Variants in PLEKHG1 observed in about 807,000 individuals in gnomAD.
The protein encoded by PLEKHG1 is pleckstrin homology domain-containing family G member 1.
In PLEKHG1, 44 loss-of-function variants were observed where a neutral mutation model predicts 100.8. The ratio of observed to expected loss-of-function variants is 0.44; its 90% CI spans 0.34 to 0.56. The LOEUF (loss-of-function observed/expected upper bound fraction) is 0.56. Ranked by LOEUF, PLEKHG1 falls within the 20% of genes least tolerant of loss-of-function variation. The pLI, the probability that PLEKHG1 is intolerant of heterozygous loss-of-function variation, is 0.01. For missense variants in PLEKHG1, 1,545 were observed against 1,720.9 expected (o/e 0.90, Z 1.81); for synonymous variants, 640 against 662.5 (o/e 0.97, Z 0.52).
Position 150,823,785 on chromosome 6 carries a change from T to G in PLEKHG1, c.1470+109T>G, listed in dbSNP as rs1242780637. On this transcript the variant is annotated intron_variant, in intron 14 of 15. Coordinates refer to ENST00000358517, the Ensembl canonical transcript of PLEKHG1. ...AGCCCGTATTCCAAGTGTCAACAGT[T>G]ATTTTACATTTTGGAAATATGGTAT... 4.0e-6 allele frequency: 3 copies of G among 754,438 alleles called. No individual in the cohort carries two copies. The East Asian group carries it at 7.6e-5, about 19-fold the overall frequency. 46.7% of individuals were successfully genotyped at this position (754,438 alleles called of 1,614,324 possible). A position where few individuals can be genotyped will look rare whatever the true frequency, so the allele number is the denominator to read the frequency against.
At chr6:150,673,443 C>G (rs1779640785) in intron 3 of PLEKHG1, among the ~76,000 whole-genome samples, 2 of 152,146 alleles carry the variant, frequency 1.3e-5, no homozygotes, top group Non-Finnish European at 2.9e-5. Context: ...TTTGGCCTGT[C>G]TATAGGCAAT....
intron 3 of PLEKHG1, among the ~76,000 whole-genome samples, chr6:150,675,768 T>A (rs1582926426): frequency 1.3e-5 from 2 of 152,202 alleles, no homozygotes; most frequent in South Asian, 4.1e-4. Flanking sequence ...ATTACAGGCA[T>A]GAGCCACCAT....
intron 3 of PLEKHG1, among the ~76,000 whole-genome samples, chr6:150,666,311 A>G (rs1188770781): frequency 1.3e-5 from 2 of 152,186 alleles, no homozygotes; most frequent in Non-Finnish European, 2.9e-5. Flanking sequence ...GAACAAGCAT[A>G]AACTTGGCCT....
In PLEKHG1 at chr6:150,668,008, G is replaced by A. The variant is rs1006763926; in HGVS notation, c.-99+17222G>A. Among the ~76,000 whole-genome samples the A allele has an allele frequency of 3.9e-5, 6 of 152,162 alleles. No homozygotes were observed. The East Asian group carries it at 5.8e-4, about 15-fold the overall frequency. ...TGAAGATTATCTTGTATACAAGGGC[G>A]GCTAAAATACGTGCAATAGGTCTTT... On this transcript the variant is annotated intron_variant, in intron 3 of 3. Transcript: ENST00000367326.
chr6:150,804,785 G>C (rs1159301305), intron 7 of PLEKHG1, 44 bp downstream of exon 8: 1 of 1,591,674 alleles, frequency 6.3e-7, no homozygotes, highest in South Asian at 1.1e-5. Context: ...TGCAGGTGTA[G>C]TGACTTACTG....
At chr6:150,735,439 T>C (rs1022325430) in intron 2 of PLEKHG1, among the ~76,000 whole-genome samples, 2 of 152,228 alleles carry the variant, frequency 1.3e-5, no homozygotes, top group African/African-American at 4.8e-5. Flanking sequence ...GAGCATGTTC[T>C]TCCCCCAAAT....
At chr6:150,706,028 T>C (rs542435295) in intron 3 of PLEKHG1, among the ~76,000 whole-genome samples, 42 of 152,354 alleles carry the variant, frequency 2.8e-4, no homozygotes, top group South Asian at 8.3e-4. Context: ...AGTCATTGTT[T>C]ATTTTGATGG....
chr6:150,835,689 C>T (rs1777186642), intron 15 of PLEKHG1, among the ~76,000 whole-genome samples: 1 of 152,172 alleles, frequency 6.6e-6, no homozygotes, highest in South Asian at 2.1e-4. Context: ...GTTCCCTGTA[C>T]ATCTGGCTAA....
chr6:150,755,123 A>G (rs1013554416), intron 2 of PLEKHG1, among the ~76,000 whole-genome samples: 3 of 152,090 alleles, frequency 2.0e-5, no homozygotes, highest in African/African-American at 7.2e-5. Flanking sequence ...CTACAGATAC[A>G]TGGCACCACG....
intron 4 of PLEKHG1, among the ~76,000 whole-genome samples, chr6:150,787,018 G>C (rs1005966512): frequency 3.0e-5 from 4 of 133,138 alleles, no homozygotes; most frequent in African/African-American, 1.1e-4. Context: ...TGACAAGAGT[G>C]AGACTCTGTC....
intron 3 of PLEKHG1, among the ~76,000 whole-genome samples, chr6:150,658,472 C>G (rs758494682): frequency 6.6e-6 from 1 of 152,110 alleles, no homozygotes; most frequent in African/African-American, 2.4e-5. Flanking sequence ...CAAAGATAAA[C>G]GGAGTTCAGC....
At chr6:150,827,929 A>C (rs1776706761) in intron 14 of PLEKHG1, 2 of 1,602,856 alleles carry the variant, frequency 1.2e-6, no homozygotes, top group Non-Finnish European at 1.7e-6. Flanking sequence ...AAACTGAAGA[A>C]TAAATCTGGA....
intron 3 of PLEKHG1, among the ~76,000 whole-genome samples, chr6:150,706,955 T>C (rs1781032372): frequency 6.7e-6 from 1 of 148,218 alleles, no homozygotes; most frequent in Admixed American, 6.7e-5. Flanking sequence ...TCTTCTAGCA[T>C]ATGTTTCATT....
chr6:150,658,024 T>G (rs1779037863), intron 3 of PLEKHG1, among the ~76,000 whole-genome samples: 1 of 152,220 alleles, frequency 6.6e-6, no homozygotes, highest in Admixed American at 6.5e-5. Context: ...TTACCCACCT[T>G]TAGGCTTTAG....
chr6:150,652,866 A>C (rs1778808042), intron 3 of PLEKHG1, among the ~76,000 whole-genome samples: 1 of 152,218 alleles, frequency 6.6e-6, no homozygotes, highest in African/African-American at 2.4e-5. Context: ...ACAAAATAAT[A>C]ATGCTTTATT....
intron 1 of PLEKHG1, among the ~76,000 whole-genome samples, chr6:150,610,361 C>T (rs1360540368): frequency 1.3e-5 from 2 of 152,236 alleles, no homozygotes; most frequent in South Asian, 2.1e-4. Flanking sequence ...TTCGGCCTCC[C>T]GAAGTGTTGG....
At chr6:150,837,776 G>A (rs1777308137) in intron 15 of PLEKHG1, among the ~76,000 whole-genome samples, 1 of 152,182 alleles carries the variant, frequency 6.6e-6, no homozygotes, top group South Asian at 2.1e-4. Context: ...GGCTACCATG[G>A]GCACACTGGT....
intron 2 of PLEKHG1, among the ~76,000 whole-genome samples, chr6:150,746,480 A>G (rs1783170592): frequency 6.6e-6 from 1 of 152,256 alleles, no homozygotes; most frequent in Admixed American, 6.5e-5. Flanking sequence ...TTAGTGTTAA[A>G]TAAGACTAAT....
At chr6:150,817,552 GCA>G (rs1334776999) in intron 10 of PLEKHG1, among the ~76,000 whole-genome samples, 1 of 138,242 alleles carries the variant, frequency 7.2e-6, no homozygotes, top group Non-Finnish European at 1.5e-5. Flanking sequence ...GCAAGAATCT[GCA>G]TTTTTTTTTT....
Sources: allele counts gnomAD v4.1 joint callset (sites outside exome capture counted in the v4.1 genomes callset), GRCh38; gene constraint gnomAD v4.1.1; transcripts MANE v1.5; gene names NCBI Gene and HGNC (gene_info 2026-07-23, HGNC 2026-07-21).